Variants in LDLRAD4 observed in about 807,000 individuals in gnomAD.
LDLRAD4 encodes the protein low density lipoprotein receptor class A domain containing 4, also known as low-density lipoprotein receptor class A domain-containing protein 4.
A neutral mutation model predicts 17.0 loss-of-function variants in LDLRAD4; 5 were observed. That is an observed-to-expected ratio of 0.29 (90% confidence interval 0.15 to 0.62). LDLRAD4 has a LOEUF of 0.62. Ranked by LOEUF, LDLRAD4 falls within the 20% of genes least tolerant of loss-of-function variation. The pLI is 0.84. For missense variants in LDLRAD4, 340 were observed against 424.7 expected (o/e 0.80, Z 1.75); for synonymous variants, 168 against 171.8 (o/e 0.98, Z 0.17).
intron 3 of LDLRAD4, among the ~76,000 whole-genome samples, chr18:13,592,178 T>C (rs2095038233): frequency 6.6e-6 from 1 of 152,236 alleles, no homozygotes; most frequent in Non-Finnish European, 1.5e-5. Flanking sequence ...AGGAATGATA[T>C]ATTTGAATAG....
At chr18:13,406,263 TGA>T (rs1291901577) in intron 2 of LDLRAD4, among the ~76,000 whole-genome samples, 5 of 152,180 alleles carry the variant, frequency 3.3e-5, no homozygotes, top group Non-Finnish European at 5.9e-5. Context: ...GCCTTCTAGC[TGA>T]GAGAGTCACG....
chr18:13,600,345 G>A (rs1278852009), intron 3 of LDLRAD4, among the ~76,000 whole-genome samples: 1 of 152,208 alleles, frequency 6.6e-6, no homozygotes, highest in Non-Finnish European at 1.5e-5. Flanking sequence ...GGACTGAAGT[G>A]TGCAAGACAT....
At chr18:13,342,081 A>G (rs2082401770) in intron 1 of LDLRAD4, among the ~76,000 whole-genome samples, 2 of 152,098 alleles carry the variant, frequency 1.3e-5, no homozygotes, top group Non-Finnish European at 2.9e-5. Context: ...CCAAGAATAA[A>G]TTTCCCTTGA....
chr18:13,456,165 G>A (rs549291026), intron 3 of LDLRAD4, among the ~76,000 whole-genome samples: 1 of 152,354 alleles, frequency 6.6e-6, no homozygotes, highest in South Asian at 2.1e-4. Context: ...GGTGTCAGGT[G>A]CTGTGGTTTG....
intron 3 of LDLRAD4, among the ~76,000 whole-genome samples, chr18:13,466,923 A>G (rs1009011226): frequency 3.3e-5 from 5 of 152,150 alleles, no homozygotes; most frequent in African/African-American, 1.2e-4. Flanking sequence ...TCATGACCTA[A>G]TCACCTCCTG....
At chr18:13,566,300 C>T (rs769094498) in intron 3 of LDLRAD4, among the ~76,000 whole-genome samples, 34 of 152,108 alleles carry the variant, frequency 2.2e-4, no homozygotes, top group Admixed American at 7.9e-4. Flanking sequence ...GAGAAGCCAA[C>T]ACCCATCTCT....
intron 1 of LDLRAD4, among the ~76,000 whole-genome samples, chr18:13,325,071 C>G (rs1407857424): frequency 6.6e-6 from 1 of 152,202 alleles, no homozygotes; most frequent in Non-Finnish European, 1.5e-5. Context: ...CTGGTCTTGT[C>G]TTTGTGCCAT....
chr18:13,252,179 C>T (rs1271307236), intron 1 of LDLRAD4, among the ~76,000 whole-genome samples: 1 of 152,152 alleles, frequency 6.6e-6, no homozygotes, highest in Non-Finnish European at 1.5e-5. Flanking sequence ...GGCTGGAGTG[C>T]AATGGTGCAA....
Position 13,531,198 on chromosome 18 carries a change from C to T in LDLRAD4, c.182-89919C>T, listed in dbSNP as rs188809365. Among the ~76,000 whole-genome samples, 722 of 152,310 alleles carry T rather than the reference C, an allele frequency of 4.7e-3. 5 individuals are homozygous for T. The highest frequency in any genetic ancestry group is 7.1e-3 in the Non-Finnish European group (482 of 68,026). ...CATGGGCACTGGGTGGCACCAGTTC[C>T]AACTCAAGATTAAGTCACATGCTTG... On this transcript the variant is annotated intron_variant, in intron 3 of 5. Transcript: ENST00000359446.
At chr18:13,236,956 G>T (rs1261997819) in intron 1 of LDLRAD4, among the ~76,000 whole-genome samples, 1 of 152,214 alleles carries the variant, frequency 6.6e-6, no homozygotes, top group African/African-American at 2.4e-5. Flanking sequence ...ATAAGGGACT[G>T]TGCTTGGGGG....
intron 1 of LDLRAD4, among the ~76,000 whole-genome samples, chr18:13,325,345 C>T (rs141953579): frequency 2.6e-5 from 4 of 152,202 alleles, no homozygotes; most frequent in African/African-American, 7.2e-5. Context: ...TCAAGGAAGA[C>T]GCAGAGTAGG....
chr18:13,487,575 G>A (rs1310117485), intron 3 of LDLRAD4: 2 of 152,288 alleles, frequency 1.3e-5, no homozygotes, highest in African/African-American at 2.4e-5. Context: ...GGCCTTCTGT[G>A]TGCATTAGCT....
Position 13,621,816 on chromosome 18 carries a change from G to C in LDLRAD4, c.336+545G>C, listed in dbSNP as rs1378114289. On this transcript the variant is annotated intron_variant, in intron 4 of 5. Transcript: ENST00000359446. The surrounding 1 kb of genome is among the most constrained non-coding windows in gnomAD (Gnocchi z 5.5). ...GTTGTTGGCGGTGGGCTTGTCAGCG[G>C]TGGGCTTGTCGGCGGTAGGGTTGTC... 6.6e-6 allele frequency among the ~76,000 whole-genome samples: 1 copy of C among 151,476 alleles called. No homozygotes were observed. The highest frequency in any genetic ancestry group is 1.5e-5 in the Non-Finnish European group (1 of 67,798).
At chr18:13,340,308 T>C (rs1259516732) in intron 1 of LDLRAD4, among the ~76,000 whole-genome samples, 3 of 152,184 alleles carry the variant, frequency 2.0e-5, no homozygotes, top group Admixed American at 6.5e-5. Context: ...CTGGGACATA[T>C]CGTAATTCTA....
chr18:13,380,194 C>T (rs1226612817), intron 1 of LDLRAD4, among the ~76,000 whole-genome samples: 1 of 152,250 alleles, frequency 6.6e-6, no homozygotes, highest in African/African-American at 2.4e-5. Flanking sequence ...CAAGCCCTGA[C>T]CCTTTCCCAT....
chr18:13,441,106 C>T (rs1290185898), intron 3 of LDLRAD4, among the ~76,000 whole-genome samples: 2 of 152,220 alleles, frequency 1.3e-5, no homozygotes, highest in African/African-American at 2.4e-5. Context: ...TGCAGCTCAC[C>T]TCTGCCAGGT....
At position 13,586,406 on chromosome 18, in the gene LDLRAD4, C is replaced by CAAAA. The variant is rs58036819; in HGVS notation, c.182-34699_182-34696dup. ...TGGGTGACAGAGCAAGACTCTGTCTCAAAAAAAAAAAAAAAGAATAGAAAC... is the reference window on the plus strand; with the variant it reads ...TGGGTGACAGAGCAAGACTCTGTCTCAAAAAAAAAAAAAAAAAAAGAATAGAAAC... On this transcript the variant is annotated intron_variant, in intron 3 of 5. Transcript: ENST00000359446. 5.4e-4 allele frequency among the ~76,000 whole-genome samples: 19 copies of CAAAA among 35,108 alleles called. 2 individuals are homozygous for CAAAA. Among genetic ancestry groups the CAAAA allele is most frequent in the Middle Eastern group, 0.038 (2 of 52 alleles). The allele number at this position is 35,108 out of a possible 152,430, so 23.0% of individuals were successfully genotyped here.
chr18:13,376,107 A>G (rs1204031270), intron 1 of LDLRAD4, among the ~76,000 whole-genome samples: 1 of 152,002 alleles, frequency 6.6e-6, no homozygotes, highest in Non-Finnish European at 1.5e-5. Flanking sequence ...GGTAGGCACG[A>G]GGTTGCTGTC....
chr18:13,627,107 T>C (rs2041239827), intron 4 of LDLRAD4, among the ~76,000 whole-genome samples: 1 of 151,930 alleles, frequency 6.6e-6, no homozygotes, highest in South Asian at 2.1e-4. Context: ...TTGTCTCTAC[T>C]CAAAAATACA....
Sources: gnomAD v4.1 joint callset for allele counts (sites outside exome capture counted in the v4.1 genomes callset) on GRCh38, gnomAD v4.1.1 for gene constraint, Gnocchi (gnomAD v3.1) non-coding constraint, MANE v1.5 for transcripts, NCBI Gene and HGNC (gene_info 2026-07-23, HGNC 2026-07-21) for gene names.